Variants in TBX21 observed in about 807,000 individuals in gnomAD.
TBX21 encodes the protein T-box transcription factor TBX21.
Under a neutral mutation model 52.2 loss-of-function variants are expected in TBX21, and 11 were observed. The observed-to-expected ratio is 0.21, with a 90% CI of 0.13 to 0.35. The LOEUF is 0.35. Among genes scored for constraint, TBX21 ranks in the 10% least tolerant of loss-of-function variants. TBX21 has a pLI of 1.00. For synonymous variants in TBX21, 300 were observed against 316.1 expected (o/e 0.95, Z 0.54); for missense variants, 625 against 755.1 (o/e 0.83, Z 2.02).
chr17:47,734,096 A>G (rs186568382), intron 1 of TBX21, 151 bp downstream of exon 1: 18 of 1,357,770 alleles, frequency 1.3e-5, no homozygotes, highest in Non-Finnish European at 1.8e-5. Flanking sequence ...GGTTGTTAGG[A>G]GGACAGGGAA....
rs900855504 is a variant in TBX21, at chr17:47,745,476, C to T, written c.*110C>T. 1.7e-5 allele frequency: 25 copies of T among 1,449,630 alleles called. No individual in the cohort carries two copies. The African/African-American group carries it at 3.5e-4, about 21-fold the overall frequency. 89.8% of individuals were successfully genotyped at this position (1,449,630 alleles called of 1,614,324 possible). A position where few individuals can be genotyped will look rare whatever the true frequency, so the allele number is the denominator to read the frequency against. On this transcript the variant is annotated 3_prime_UTR_variant, in exon 6 of 6. Transcript: ENST00000177694. ...AAGGCCCCCGCTCCCTCTGGCCCTTCTCTGTTTAGTAGTTGGTTGGGGAAG... is the reference window on the plus strand; with the variant it reads ...AAGGCCCCCGCTCCCTCTGGCCCTTTTCTGTTTAGTAGTTGGTTGGGGAAG...
Position 47,744,245 on chromosome 17 carries a change from T to C in TBX21, c.819T>C (p.Val273=). The C allele has an allele frequency of 1.2e-6, 2 of 1,614,168 alleles. No individual in the cohort carries two copies. The highest frequency in any genetic ancestry group is 1.7e-6 in the Non-Finnish European group (2 of 1,180,030). Residue 273 remains valine (V), a synonymous_variant, in exon 4 of 6, where the codon GTT becomes GTC. Coordinates refer to ENST00000177694, the MANE Select transcript of TBX21 (RefSeq NM_013351.2). ...LHKYQPRLHI[V]EVNDGEPEAA... ...AGTACCAGCCCCGGCTGCATATCGT[T>C]GAGGTGAACGACGGAGAGCCAGAGG...
chr17:47,737,883 T>TCAAAGTGCTG (rs1472951462), intron 1 of TBX21, among the ~76,000 whole-genome samples: 1 of 152,054 alleles, frequency 6.6e-6, no homozygotes, highest in Non-Finnish European at 1.5e-5. Flanking sequence ...CCTCGGCCTC[T>TCAAAGTGCTG]CAAAGTGCTG....
chr17:47,734,183 G>T (rs41519545), intron 1 of TBX21, among the ~76,000 whole-genome samples: 23,294 of 152,188 alleles, frequency 0.15, 1,951 homozygotes, highest in Admixed American at 0.19. Flanking sequence ...GTGAGTGCGG[G>T]ACAGTGAGAA....
At chr17:47,744,174 A>C (rs1397236704) in intron 3 of TBX21, 21 bp from the exon 4 acceptor site, 14 of 1,610,174 alleles carry the variant, frequency 8.7e-6, no homozygotes, top group Non-Finnish European at 1.2e-5. Flanking sequence ...CACCCCTACA[A>C]CCGTCTTGCT....
In TBX21 at chr17:47,744,923, G is replaced by C. The variant is rs572097581; in HGVS notation, c.1165G>C (p.Ala389Pro). 11 of 1,613,932 alleles carry C rather than the reference G, an allele frequency of 6.8e-6. No individual in the cohort carries two copies. The highest frequency in any genetic ancestry group is 6.7e-5 in the Admixed American group (4 of 59,996). ...DVVPQAYWLG[A>P]PRDHSYEAEF... is the part of the protein sequence containing the mutation. ...GGTTCCCCAGGCTTACTGGCTGGGG[G>C]CCCCCCGGGACCACAGCTATGAGGC... Residue 389 changes from alanine to proline, a missense_variant, in exon 6 of 6, where the codon GCC (alanine) becomes CCC (proline). Coordinates refer to ENST00000177694, the MANE Select transcript of TBX21 (RefSeq NM_013351.2).
At position 47,736,361 on chromosome 17, in the gene TBX21, T is replaced by G. The variant is rs542116218; in HGVS notation, c.491+2416T>G. Among the ~76,000 whole-genome samples the G allele has an allele frequency of 2.0e-5, 3 of 152,278 alleles. No individual in the cohort carries two copies. The South Asian group carries it at 6.2e-4, about 32-fold the overall frequency. ...TTACTAAGTACATTCTAGATATTAT[T>G]TTATCTCTGCACCTCTAAAAATGAC... On this transcript the variant is annotated intron_variant, in intron 1 of 5. Coordinates refer to ENST00000177694, the MANE Select transcript of TBX21 (RefSeq NM_013351.2).
At position 47,745,155 on chromosome 17, in the gene TBX21, G is replaced by A. The variant is rs745479696; in HGVS notation, c.1397G>A (p.Arg466Gln). 3.1e-6 allele frequency: 5 copies of A among 1,614,160 alleles called. No homozygotes were observed. Among genetic ancestry groups the A allele is most frequent in the African/African-American group, 1.3e-5 (1 of 75,052 alleles). Residue 466 changes from arginine to glutamine, a missense_variant, in exon 6 of 6, where the codon CGG becomes CAG. Arg to Gln is a conservative substitution (Grantham distance 43, BLOSUM62 1). Transcript: ENST00000177694. ...CCCGGCCCTGGAGGCTCAGAGGGACGGGGACCAGAGGACCAGGGTCCCCCC... is the reference window on the plus strand; with the variant it reads ...CCCGGCCCTGGAGGCTCAGAGGGACAGGGACCAGAGGACCAGGGTCCCCCC... ...MEPGPGGSEG[R>Q]GPEDQGPPLV...
chr17:47,743,464 G>C (rs957296900), intron 3 of TBX21, among the ~76,000 whole-genome samples: 2 of 152,170 alleles, frequency 1.3e-5, no homozygotes, highest in Non-Finnish European at 2.9e-5. Flanking sequence ...GGCCAACCCA[G>C]CCTCAGGGTT....
Position 47,742,998 on chromosome 17 carries a change from G to C in TBX21, c.647-73G>C. On this transcript the variant is annotated intron_variant, in intron 2 of 5. Coordinates refer to ENST00000177694, the MANE Select transcript of TBX21 (RefSeq NM_013351.2). The surrounding 1 kb of genome is among the most constrained non-coding windows in gnomAD (Gnocchi z 4.4). ...CTGTGTCCTTCCTTACGTCCCTCTC[G>C]GGACAGGCAAAGCCCTACATCACCA... The C allele has an allele frequency of 1.3e-6, 2 of 1,584,210 alleles. No individual in the cohort carries two copies. Among genetic ancestry groups the C allele is most frequent in the South Asian group, 2.3e-5 (2 of 86,624 alleles).
chr17:47,735,731 C>G (rs1173540732), intron 1 of TBX21, among the ~76,000 whole-genome samples: 1 of 152,216 alleles, frequency 6.6e-6, no homozygotes, highest in Middle Eastern at 3.2e-3. Flanking sequence ...GTTAGGTAGG[C>G]CAAGCAGTCT....
At chr17:47,739,855 A>G (rs2032248653) in intron 1 of TBX21, among the ~76,000 whole-genome samples, 1 of 150,932 alleles carries the variant, frequency 6.6e-6, no homozygotes, top group Non-Finnish European at 1.5e-5. Flanking sequence ...CAGTGAGCCG[A>G]GATCACACCA....
rs1002374085 is a variant in TBX21 at position 47,745,642 on chromosome 17, G to A, written c.*276G>A. ...TGCGTCTTGCTTTTGGTTTCCAGCT[G>A]GAGAAAAGAAGACAAGAAAGTCTTG... On this transcript the variant is annotated 3_prime_UTR_variant, in exon 6 of 6. Transcript: ENST00000177694. 2 of 366,488 alleles carry A rather than the reference G, an allele frequency of 5.5e-6. No homozygotes were observed. Among genetic ancestry groups the A allele is most frequent in the African/African-American group, 4.1e-5 (2 of 48,298 alleles). 22.7% of individuals were successfully genotyped at this position (366,488 alleles called of 1,614,324 possible).
At chr17:47,734,120 C>G (rs2032175769) in intron 1 of TBX21, among the ~76,000 whole-genome samples, 175 bp downstream of exon 1, 1 of 152,110 alleles carries the variant, frequency 6.6e-6, no homozygotes, top group Non-Finnish European at 1.5e-5. Flanking sequence ...TCCGGAGGGG[C>G]GTCTGTGCCC....
In TBX21 at chr17:47,743,210, A is replaced by G. The variant is rs2032287015; in HGVS notation, c.768+18A>G. The G allele has an allele frequency of 6.2e-7, 1 of 1,613,288 alleles. No homozygotes were observed. Among genetic ancestry groups the G allele is most frequent in the Non-Finnish European group, 8.5e-7 (1 of 1,179,666 alleles). ...TGACCCAGGTAGGACCTGCTCTTCA[A>G]AAGGTAGCCTCGCCCTGCTCCCCAC... On this transcript the variant is annotated intron_variant, in intron 3 of 5. Transcript: ENST00000177694.
intron 1 of TBX21, among the ~76,000 whole-genome samples, chr17:47,738,850 C>T (rs2032237079): frequency 1.3e-5 from 2 of 152,222 alleles, no homozygotes; most frequent in Admixed American, 1.3e-4. Context: ...ATCCACCTGC[C>T]TCGGCCTCCC....
chr17:47,740,798 C>G (rs1346653007), intron 1 of TBX21, among the ~76,000 whole-genome samples: 1 of 152,146 alleles, frequency 6.6e-6, no homozygotes, highest in Admixed American at 6.5e-5. Flanking sequence ...CTATTTTTCT[C>G]AACTCAGGAA....
chr17:47,736,936 C>T lies in TBX21; in HGVS notation c.491+2991C>T, dbSNP rs78186321. 1.7e-3 allele frequency among the ~76,000 whole-genome samples: 257 copies of T among 152,264 alleles called. 1 individual carries two copies. Among genetic ancestry groups the T allele is most frequent in the African/African-American group, 5.2e-3 (218 of 41,538 alleles). On this transcript the variant is annotated intron_variant, in intron 1 of 5. Coordinates refer to ENST00000177694, the MANE Select transcript of TBX21 (RefSeq NM_013351.2). The stretch of plus-strand genomic sequence containing the variant: ...TTTGCCTTGAGCTGACTCACGCCGT[C>T]CCGGATTCTTCCTCTCCCACCCACC...
At position 47,733,644 on chromosome 17, in the gene TBX21, G is replaced by A. The variant is rs550237000; in HGVS notation, c.190G>A (p.Val64Met). Residue 64 changes from valine to methionine, a missense_variant, in exon 1 of 6, where the codon GTG (valine) becomes ATG (methionine). Physicochemically the swap from Val to Met is conservative, Grantham distance 21. Transcript: ENST00000177694. The surrounding 1 kb of genome is among the most constrained non-coding windows in gnomAD (Gnocchi z 6.6). ...GTCTCCCTACCCGGGGGGCGCCTTGGTGCCCGCCCCGCCGAGCCGCTTCCT... is the reference window on the plus strand; with the variant it reads ...GTCTCCCTACCCGGGGGGCGCCTTGATGCCCGCCCCGCCGAGCCGCTTCCT... Reference protein sequence around the residue: ...LGSPYPGGALVPAPPSRFLGA... With the variant: ...LGSPYPGGALMPAPPSRFLGA... 2.3e-5 allele frequency: 34 copies of A among 1,448,498 alleles called. No individual in the cohort carries two copies. The African/African-American group carries it at 4.7e-4, about 20-fold the overall frequency. 89.7% of individuals were successfully genotyped at this position (1,448,498 alleles called of 1,614,324 possible). A position where few individuals can be genotyped will look rare whatever the true frequency, so the allele number is the denominator to read the frequency against.
Sources: allele counts gnomAD v4.1 joint callset (sites outside exome capture counted in the v4.1 genomes callset), GRCh38; gene constraint gnomAD v4.1.1; non-coding constraint Gnocchi (gnomAD v3.1); transcripts MANE v1.5; gene names NCBI Gene and HGNC (gene_info 2026-07-23, HGNC 2026-07-21).